The following VGLL4 variants were observed in gnomAD, a reference collection of about 807,000 sequenced individuals.
VGLL4 encodes the protein vestigial like family member 4.
VGLL4 carries 7 observed loss-of-function variants against 21.0 expected under a neutral mutation model. That is an observed-to-expected ratio of 0.33 (90% CI 0.19 to 0.63). VGLL4 has a LOEUF of 0.63. VGLL4 is among the 20% of genes least tolerant of loss of function. The pLI, the probability that VGLL4 is intolerant of heterozygous loss-of-function variation, is 0.78. For synonymous variants in VGLL4, 222 were observed against 173.2 expected, an observed-to-expected ratio of 1.28 and a Z score of -2.21; for missense variants, 394 against 425.7, an observed-to-expected ratio of 0.93 and a Z score of 0.66.
rs2075915350 is a variant in VGLL4 at position 11,653,832 on chromosome 3, C to T, written c.64+49139G>A. Among the ~76,000 whole-genome samples the T allele has an allele frequency of 6.6e-6, 1 of 152,206 alleles. No individual in the cohort carries two copies. Among genetic ancestry groups the T allele is most frequent in the South Asian group, 2.1e-4 (1 of 4,822 alleles). On this transcript the variant is annotated intron_variant, in intron 2 of 5. Coordinates refer to the VGLL4 transcript ENST00000273038. This position sits in a 1 kb window ranked among gnomAD's most constrained non-coding sequence, Gnocchi z 4.2. ...TTCTGGTAGGTCTGGAGCAGCCACA[C>T]TACGACTTTACTTCGCACTTCTCTG...
chr3:11,670,507 T>C (rs1056668634), intron 2 of VGLL4, among the ~76,000 whole-genome samples: 2 of 152,192 alleles, frequency 1.3e-5, no homozygotes, highest in African/African-American at 4.8e-5. Flanking sequence ...TAAGATTTGA[T>C]TGAATGAAGT....
intron 2 of VGLL4, among the ~76,000 whole-genome samples, chr3:11,702,455 C>CTAAAAAA (rs2076694590): frequency 1.0e-5 from 1 of 96,170 alleles, no homozygotes; most frequent in African/African-American, 4.4e-5. Context: ...ACTAAAAATA[C>CTAAAAAA]AAAAAAAAAA....
At chr3:11,583,860 C>A (rs894524222) in intron 2 of VGLL4, among the ~76,000 whole-genome samples, 1 of 152,194 alleles carries the variant, frequency 6.6e-6, no homozygotes, top group Non-Finnish European at 1.5e-5. Context: ...CCCAACGCAC[C>A]CAACCCAGGA....
At chr3:11,573,081 G>A (rs1197654475) in intron 2 of VGLL4, among the ~76,000 whole-genome samples, 1 of 151,670 alleles carries the variant, frequency 6.6e-6, no homozygotes, top group Admixed American at 6.6e-5. Flanking sequence ...GAGGAGAATC[G>A]GCTGAACCCG....
intron 2 of VGLL4, among the ~76,000 whole-genome samples, chr3:11,576,359 C>T (rs1167031477): frequency 6.6e-6 from 1 of 152,184 alleles, no homozygotes; most frequent in Non-Finnish European, 1.5e-5. Flanking sequence ...ATTCCTACTG[C>T]TAATTTGTAG....
chr3:11,558,247 A>C lies in VGLL4; in HGVS notation c.*309T>G, dbSNP rs917343053. 3 of 450,954 alleles carry C rather than the reference A, an allele frequency of 6.7e-6. No homozygotes were observed. The highest frequency in any genetic ancestry group is 3.9e-5 in the African/African-American group (2 of 51,474). The allele number at this position is 450,954 out of a possible 1,614,324, so 27.9% of individuals were successfully genotyped here. A position where few individuals can be genotyped will look rare whatever the true frequency, so the allele number is the denominator to read the frequency against. On this transcript the variant is annotated 3_prime_UTR_variant, in exon 5 of 5. Transcript: ENST00000430365. ...GCTTGTGACTGAGAAAGCGCTGTGG[A>C]GTCCTGGCCCCGTCGGGGCAGCAGA...
chr3:11,680,642 CTGAG>C (rs758991672), intron 2 of VGLL4, among the ~76,000 whole-genome samples: 2 of 152,194 alleles, frequency 1.3e-5, no homozygotes, highest in African/African-American at 2.4e-5. Flanking sequence ...TGCCAACTTC[CTGAG>C]TAACATTCCG....
At chr3:11,562,463 G>A (rs1367512036) in intron 3 of VGLL4, among the ~76,000 whole-genome samples, 10 of 152,178 alleles carry the variant, frequency 6.6e-5, no homozygotes, top group Non-Finnish European at 1.5e-4. Flanking sequence ...TGTGGACACA[G>A]AGCTTTGCTG....
chr3:11,640,945 C>T (rs896504692), intron 1 of VGLL4, among the ~76,000 whole-genome samples: 2 of 151,972 alleles, frequency 1.3e-5, no homozygotes, highest in African/African-American at 2.4e-5. Context: ...TGGTGAAACC[C>T]ATCTCTATTA....
intron 1 of VGLL4, among the ~76,000 whole-genome samples, chr3:11,632,126 C>T (rs542996855): frequency 1.8e-4 from 28 of 152,114 alleles, no homozygotes; most frequent in Non-Finnish European, 3.4e-4. Flanking sequence ...CCAGCCCAGA[C>T]AACACAGTAA....
In VGLL4 at chr3:11,564,786, C is replaced by G. The variant is rs1230991979; in HGVS notation, c.495+11G>C. ...GGACTCCCCACGCCACCCTCCCAGA[C>G]AGAGGCCCACCTGCTGCCGCTCCCC... On this transcript the variant is annotated intron_variant, in intron 3 of 4. Coordinates refer to ENST00000430365, the MANE Select transcript of VGLL4 (RefSeq NM_001128219.3). The G allele has an allele frequency of 7.8e-6, 12 of 1,539,556 alleles. No homozygotes were observed. The East Asian group carries it at 2.7e-4, about 34-fold the overall frequency.
In VGLL4 at chr3:11,653,950, T is replaced by C. The variant is rs1268587558; in HGVS notation, c.64+49021A>G. On this transcript the variant is annotated intron_variant, in intron 2 of 5. Coordinates refer to the VGLL4 transcript ENST00000273038. This position sits in a 1 kb window ranked among gnomAD's most constrained non-coding sequence, Gnocchi z 4.2. ...AGGGAAGGGCCCCGGCCAGAGGCTC[T>C]CAACCAAGGAGATTCTGCCCTCCTC... Among the ~76,000 whole-genome samples, 1 of 152,158 alleles carries C rather than the reference T, an allele frequency of 6.6e-6. No homozygotes were observed. Among genetic ancestry groups the C allele is most frequent in the Non-Finnish European group, 1.5e-5 (1 of 68,030 alleles).
At chr3:11,620,846 G>A (rs7651349) in intron 1 of VGLL4, among the ~76,000 whole-genome samples, 55,918 of 152,076 alleles carry the variant, frequency 0.37, 12,939 homozygotes, top group Non-Finnish European at 0.53. Context: ...GAATGTACAC[G>A]TAGGATGTCA....
chr3:11,692,355 G>A (rs964816702), intron 2 of VGLL4, among the ~76,000 whole-genome samples: 4 of 152,180 alleles, frequency 2.6e-5, no homozygotes, highest in Admixed American at 2.6e-4. Context: ...AAGGCCAGAT[G>A]TCTAGCCCTG....
At chr3:11,717,620 G>T (rs2076937622) in intron 1 of VGLL4, among the ~76,000 whole-genome samples, 1 of 149,616 alleles carries the variant, frequency 6.7e-6, no homozygotes, top group Non-Finnish European at 1.5e-5. Context: ...GGATTACATA[G>T]GTGAAACACC....
intron 2 of VGLL4, among the ~76,000 whole-genome samples, chr3:11,580,960 T>G (rs1481754465): frequency 6.6e-6 from 1 of 152,218 alleles, no homozygotes; most frequent in Non-Finnish European, 1.5e-5. Flanking sequence ...ATGGCTAATG[T>G]TAACAGCAAT....
intron 2 of VGLL4, among the ~76,000 whole-genome samples, chr3:11,701,027 G>T (rs899653667): frequency 2.6e-5 from 4 of 152,156 alleles, no homozygotes; most frequent in African/African-American, 9.7e-5. Flanking sequence ...GTAGAATGAT[G>T]ATCTTGTAGG....
At chr3:11,573,300 A>AAGG (rs1559869937) in intron 2 of VGLL4, among the ~76,000 whole-genome samples, 11 of 9,546 alleles carry the variant, frequency 1.2e-3, no homozygotes, top group South Asian at 5.3e-3. Context: ...AGAAAGAAAG[A>AAGG]AAGAAAGGAA....
At chr3:11,703,066 A>AG (rs760753271) in intron 1 of VGLL4, 1 of 1,512,340 alleles carries the variant, frequency 6.6e-7, no homozygotes, top group Non-Finnish European at 8.8e-7. Flanking sequence ...AAAAAATAAA[A>AG]GGGGAAAAAA....
Sources: allele counts gnomAD v4.1 joint callset (sites outside exome capture counted in the v4.1 genomes callset), GRCh38; gene constraint gnomAD v4.1.1; non-coding constraint Gnocchi (gnomAD v3.1); transcripts MANE v1.5; gene names NCBI Gene and HGNC (gene_info 2026-07-23, HGNC 2026-07-21).